CEP112: variants seen among roughly 807,000 people sequenced by gnomAD.
The protein encoded by CEP112 is centrosomal protein 112.
Under a neutral mutation model 153.0 loss-of-function variants are expected in CEP112, and 127 were observed. The ratio of observed to expected loss-of-function variants is 0.83; its 90% CI spans 0.72 to 0.96. The LOEUF is 0.96. Ranked by LOEUF, CEP112 falls within the 40% of genes least tolerant of loss-of-function variation. The pLI is 0.00. For missense variants in CEP112, 1,089 were observed against 1,101.2 expected (o/e 0.99, Z 0.16); for synonymous variants, 358 against 374.4 (o/e 0.96, Z 0.51).
chr17:65,740,269 G>A (rs1485662055), intron 23 of CEP112, among the ~76,000 whole-genome samples: 1 of 152,130 alleles, frequency 6.6e-6, no homozygotes, highest in African/African-American at 2.4e-5. Context: ...GGTGTTGCAG[G>A]TACCTGTCAC....
At chr17:66,139,320 ATGAC>A (rs1321661338) in intron 4 of CEP112, among the ~76,000 whole-genome samples, 2 of 152,204 alleles carry the variant, frequency 1.3e-5, no homozygotes, top group African/African-American at 4.8e-5. Flanking sequence ...AATAAAAAGA[ATGAC>A]TGGGTGCAGT....
chr17:65,905,758 T>C (rs767429917), intron 19 of CEP112, among the ~76,000 whole-genome samples: 1 of 151,998 alleles, frequency 6.6e-6, no homozygotes, highest in Non-Finnish European at 1.5e-5. Flanking sequence ...TGAAACCCCA[T>C]CTCTACTAAA....
chr17:65,707,416 A>G (rs1394812313), intron 23 of CEP112, among the ~76,000 whole-genome samples: 1 of 152,078 alleles, frequency 6.6e-6, no homozygotes, highest in Non-Finnish European at 1.5e-5. Flanking sequence ...TCTCCCTCCC[A>G]TACATTCTAC....
chr17:65,877,506 C>T (rs1598855737), intron 20 of CEP112, among the ~76,000 whole-genome samples: 1 of 152,268 alleles, frequency 6.6e-6, no homozygotes, highest in Middle Eastern at 3.4e-3. Context: ...GTTGTTCTCC[C>T]TTTTCTGTCT....
At chr17:65,767,581 T>C (rs1050061524) in intron 21 of CEP112, among the ~76,000 whole-genome samples, 1 of 151,686 alleles carries the variant, frequency 6.6e-6, no homozygotes, top group Non-Finnish European at 1.5e-5. Context: ...ACAATAAAAC[T>C]AAGAGTTGGT....
chr17:66,116,929 C>T (rs1339236646), intron 6 of CEP112, among the ~76,000 whole-genome samples: 2 of 141,956 alleles, frequency 1.4e-5, no homozygotes, highest in Admixed American at 7.7e-5. Flanking sequence ...AACAGTGGTG[C>T]GATCTCGGCT....
chr17:65,698,535 A>G (rs1368470214), intron 23 of CEP112, among the ~76,000 whole-genome samples: 1 of 152,156 alleles, frequency 6.6e-6, no homozygotes, highest in African/African-American at 2.4e-5. Context: ...GACTTTGATG[A>G]TCTAAGGAAG....
chr17:65,917,268 A>G (rs2060527978), intron 19 of CEP112, among the ~76,000 whole-genome samples: 1 of 152,188 alleles, frequency 6.6e-6, no homozygotes, highest in African/African-American at 2.4e-5. Flanking sequence ...TCAAAAATGT[A>G]TTAGGAATTG....
intron 16 of CEP112, among the ~76,000 whole-genome samples, chr17:66,017,698 T>TA (rs556012360): frequency 5.3e-5 from 8 of 150,062 alleles, no homozygotes; most frequent in South Asian, 2.1e-4. Context: ...TTTGGTGGGT[T>TA]AAAAAAAAAA....
At chr17:65,726,683 T>A (rs958268923) in intron 23 of CEP112, among the ~76,000 whole-genome samples, 4 of 152,200 alleles carry the variant, frequency 2.6e-5, no homozygotes, top group African/African-American at 9.7e-5. Context: ...AATTTAGTCA[T>A]ACGACGTTTT....
intron 16 of CEP112, among the ~76,000 whole-genome samples, chr17:66,020,587 T>A (rs778734856): frequency 2.0e-5 from 3 of 152,206 alleles, no homozygotes; most frequent in Non-Finnish European, 4.4e-5. Context: ...TTTTGTGATA[T>A]AAACCATATG....
In CEP112 at chr17:66,051,832, T is replaced by C. The variant is rs150022483; in HGVS notation, c.1218+1904A>G. Among the ~76,000 whole-genome samples, 6 of 152,332 alleles carry C rather than the reference T, an allele frequency of 3.9e-5. No individual in the cohort carries two copies. In the East Asian group the frequency reaches 1.2e-3, roughly 29 times the overall value. On this transcript the variant is annotated intron_variant, in intron 12 of 26. Coordinates refer to ENST00000535342, the MANE Select transcript of CEP112 (RefSeq NM_001199165.4). Reference sequence around the variant, plus strand: ...CACTTGACCATTCTATGAGGTCATATTACATACAGATGCTCCTTGACTTAA... The same window carrying C: ...CACTTGACCATTCTATGAGGTCATACTACATACAGATGCTCCTTGACTTAA...
chr17:66,155,978 T>C (rs557239515), intron 4 of CEP112, among the ~76,000 whole-genome samples: 1 of 152,354 alleles, frequency 6.6e-6, no homozygotes, highest in East Asian at 1.9e-4. Context: ...TAAACCTTCC[T>C]TCCTGTTGGC....
At chr17:65,640,491 T>C (rs761407940) in intron 25 of CEP112, among the ~76,000 whole-genome samples, 5 of 152,184 alleles carry the variant, frequency 3.3e-5, no homozygotes, top group Non-Finnish European at 7.3e-5. Flanking sequence ...TTTAACCTAA[T>C]TGTTTGAATA....
chr17:65,953,720 T>A (rs1596320), intron 18 of CEP112, among the ~76,000 whole-genome samples: 2 of 151,754 alleles, frequency 1.3e-5, no homozygotes, highest in East Asian at 1.9e-4. Context: ...TATGGCTCAC[T>A]AGAGGCAGCC....
At chr17:65,676,961 T>G (rs746222491) in intron 24 of CEP112, among the ~76,000 whole-genome samples, 1 of 152,158 alleles carries the variant, frequency 6.6e-6, no homozygotes, top group Non-Finnish European at 1.5e-5. Flanking sequence ...CCTTGGATTA[T>G]CAACCCTAAG....
chr17:65,968,771 C>A, intron 17 of CEP112, among the ~76,000 whole-genome samples: 1 of 152,214 alleles, frequency 6.6e-6, no homozygotes, highest in Non-Finnish European at 1.5e-5. Context: ...CCAGAACAAG[C>A]GATGAAAACA....
At chr17:66,008,679 C>T (rs951037526) in intron 16 of CEP112, among the ~76,000 whole-genome samples, 1 of 152,260 alleles carries the variant, frequency 6.6e-6, no homozygotes, top group East Asian at 1.9e-4. Flanking sequence ...CCAGCATCTA[C>T]CCATTCCCTG....
intron 18 of CEP112, among the ~76,000 whole-genome samples, chr17:65,938,973 A>G (rs559020707): frequency 2.4e-4 from 37 of 152,046 alleles, no homozygotes; most frequent in Admixed American, 8.5e-4. Context: ...CACCATGCCC[A>G]ACTAATTGTT....
Sources: allele counts gnomAD v4.1 joint callset (sites outside exome capture counted in the v4.1 genomes callset), GRCh38; gene constraint gnomAD v4.1.1; transcripts MANE v1.5; gene names NCBI Gene and HGNC (gene_info 2026-07-23, HGNC 2026-07-21).